Variants in POU2F1 observed in about 807,000 individuals in gnomAD.
POU2F1 encodes POU domain, class 2, transcription factor 1.
In POU2F1, 16 loss-of-function variants were observed where a neutral mutation model predicts 84.9. The ratio of observed to expected loss-of-function variants is 0.19; its 90% CI spans 0.13 to 0.29. POU2F1 has a LOEUF of 0.29. Among genes scored for constraint, POU2F1 ranks in the 10% least tolerant of loss-of-function variants. The pLI, the probability that POU2F1 is intolerant of heterozygous loss-of-function variation, is 1.00. For synonymous variants in POU2F1, 368 were observed against 368.3 expected, an observed-to-expected ratio of 1.00 and a Z score of 0.01; for missense variants, 738 against 942.6, an observed-to-expected ratio of 0.78 and a Z score of 2.84.
intron 1 of POU2F1, among the ~76,000 whole-genome samples, chr1:167,246,225 T>C (rs1650309155): frequency 6.6e-6 from 1 of 152,226 alleles, no homozygotes; most frequent in Non-Finnish European, 1.5e-5. Flanking sequence ...GAGATTTCTT[T>C]CAAATCCTAA....
chr1:167,221,001 C>T (rs1430249548), intron 1 of POU2F1, 43 bp downstream of exon 1: 9 of 1,485,414 alleles, frequency 6.1e-6, no homozygotes, highest in East Asian at 2.5e-5. Flanking sequence ...CATACTCAAC[C>T]CCGGCTCCCG....
At chr1:167,265,570 A>G (rs1408613344) in intron 1 of POU2F1, among the ~76,000 whole-genome samples, 2 of 152,188 alleles carry the variant, frequency 1.3e-5, no homozygotes, top group African/African-American at 2.4e-5. Flanking sequence ...AAATATTTGT[A>G]TATTTTTAAA....
At chr1:167,221,102 C>T (rs1020662810) in intron 1 of POU2F1, 144 bp downstream of exon 1, 5 of 806,548 alleles carry the variant, frequency 6.2e-6, no homozygotes, top group Admixed American at 2.2e-5. Context: ...AGCATTGAGC[C>T]CCCGCCGGGC....
intron 2 of POU2F1, among the ~76,000 whole-genome samples, chr1:167,335,299 A>C (rs557309032): frequency 6.6e-6 from 1 of 152,334 alleles, no homozygotes; most frequent in African/African-American, 2.4e-5. Context: ...AGATTATGGT[A>C]AATAATTCAA....
At chr1:167,371,118 A>C (rs1260978762) in intron 4 of POU2F1, among the ~76,000 whole-genome samples, 1 of 152,128 alleles carries the variant, frequency 6.6e-6, no homozygotes, top group East Asian at 1.9e-4. Context: ...AGATAATGTG[A>C]CCTTACTTTC....
chr1:167,237,746 G>GTATATATA (rs58988722), intron 1 of POU2F1, among the ~76,000 whole-genome samples: 22 of 73,002 alleles, frequency 3.0e-4, no homozygotes, highest in African/African-American at 9.7e-4. Context: ...ATGTGTGTGT[G>GTATATATA]TATATATATA....
chr1:167,329,914 G>C (rs1656968769), intron 1 of POU2F1, among the ~76,000 whole-genome samples: 1 of 152,038 alleles, frequency 6.6e-6, no homozygotes, highest in South Asian at 2.1e-4. Flanking sequence ...ATATACTCTA[G>C]ATAACTACAA....
chr1:167,276,653 TA>T (rs1171003670), intron 1 of POU2F1, among the ~76,000 whole-genome samples: 1 of 152,168 alleles, frequency 6.6e-6, no homozygotes, highest in African/African-American at 2.4e-5. Context: ...TTCATATAAG[TA>T]AAAGCAATTA....
rs576599443 is a variant in POU2F1 at position 167,397,550 on chromosome 1, G to A, written c.1130-444G>A. Among the ~76,000 whole-genome samples the A allele has an allele frequency of 2.2e-4, 33 of 152,264 alleles. No individual in the cohort carries two copies. In the South Asian group the frequency reaches 6.9e-3, roughly 32 times the overall value. ...AAATATATATATATTGGGGGGATGG[G>A]TGGTGGGTAGGGGGAGACATGGTCT... On this transcript the variant is annotated intron_variant, in intron 10 of 15. Transcript: ENST00000367866.
At chr1:167,252,775 A>G (rs1343318352) in intron 1 of POU2F1, among the ~76,000 whole-genome samples, 3 of 152,236 alleles carry the variant, frequency 2.0e-5, no homozygotes, top group African/African-American at 7.2e-5. Flanking sequence ...AAGAATACGT[A>G]ACTGACTGTG....
At chr1:167,224,093 C>T (rs914829559) in intron 1 of POU2F1, among the ~76,000 whole-genome samples, 1 of 152,190 alleles carries the variant, frequency 6.6e-6, no homozygotes, top group African/African-American at 2.4e-5. Context: ...TTCGCTGTTA[C>T]AGTTTTTGTA....
intron 1 of POU2F1, among the ~76,000 whole-genome samples, chr1:167,304,523 A>C (rs12750699): frequency 0.16 from 23,717 of 152,172 alleles, 2,097 homozygotes; most frequent in Non-Finnish European, 0.2. Flanking sequence ...ATCTCATGTT[A>C]ACTAACACTG....
intron 1 of POU2F1, among the ~76,000 whole-genome samples, chr1:167,277,442 G>A (rs917331639): frequency 6.7e-6 from 1 of 149,536 alleles, no homozygotes; most frequent in Admixed American, 6.7e-5. Flanking sequence ...AATTGAATCT[G>A]TTCAGAATGT....
chr1:167,390,930 A>T (rs1648351356), intron 9 of POU2F1, among the ~76,000 whole-genome samples: 1 of 152,242 alleles, frequency 6.6e-6, no homozygotes, highest in Non-Finnish European at 1.5e-5. Flanking sequence ...GAATCTATAG[A>T]AGATGAAAAC....
intron 10 of POU2F1, among the ~76,000 whole-genome samples, chr1:167,397,275 A>G (rs1414155850): frequency 1.3e-5 from 2 of 152,200 alleles, no homozygotes; most frequent in African/African-American, 2.4e-5. Flanking sequence ...TTTTTACCCT[A>G]GATTATACCA....
intron 2 of POU2F1, among the ~76,000 whole-genome samples, chr1:167,352,495 T>TTTAG (rs1427259705): frequency 6.6e-6 from 1 of 152,200 alleles, no homozygotes; most frequent in African/African-American, 2.4e-5. Context: ...CATTGGATGG[T>TTTAG]TTAGTAGAAA....
At chr1:167,240,815 C>T (rs184525676) in intron 1 of POU2F1, among the ~76,000 whole-genome samples, 1 of 152,082 alleles carries the variant, frequency 6.6e-6, no homozygotes, top group African/African-American at 2.4e-5. Flanking sequence ...GCTTCTGAAA[C>T]CTTTGCTTTG....
intron 1 of POU2F1, among the ~76,000 whole-genome samples, chr1:167,281,908 C>G (rs1653168435): frequency 6.6e-6 from 1 of 152,088 alleles, no homozygotes; most frequent in African/African-American, 2.4e-5. Flanking sequence ...CACACTTTTT[C>G]CTCTACTCAT....
At chr1:167,341,700 T>G (rs1289077025) in intron 2 of POU2F1, among the ~76,000 whole-genome samples, 1 of 152,204 alleles carries the variant, frequency 6.6e-6, no homozygotes, top group Admixed American at 6.5e-5. Flanking sequence ...GGCACATGTT[T>G]CAGTGCACTC....
Sources: allele counts gnomAD v4.1 joint callset (sites outside exome capture counted in the v4.1 genomes callset), GRCh38; gene constraint gnomAD v4.1.1; transcripts MANE v1.5; gene names NCBI Gene and HGNC (gene_info 2026-07-23, HGNC 2026-07-21).